Variants in NXPH1 observed in about 807,000 individuals in gnomAD.
The protein encoded by NXPH1 is neurexophilin 1, also known as neurexophilin-1.
Under a neutral mutation model 23.7 loss-of-function variants are expected in NXPH1, and 5 were observed. The observed-to-expected ratio is 0.21, with a 90% CI of 0.11 to 0.44. The LOEUF is 0.44. Among genes scored for constraint, NXPH1 ranks in the 20% least tolerant of loss-of-function variants. NXPH1 has a pLI of 0.99. For synonymous variants in NXPH1, 144 were observed against 122.2 expected, an observed-to-expected ratio of 1.18 and a Z score of -1.18; for missense variants, 324 against 321.6, an observed-to-expected ratio of 1.01 and a Z score of -0.06.
chr7:8,535,085 T>G lies in NXPH1; in HGVS notation c.54+99318T>G, dbSNP rs187933077. 1.0e-3 allele frequency among the ~76,000 whole-genome samples: 153 copies of G among 152,216 alleles called. 1 individual carries two copies. The highest frequency in any genetic ancestry group is 3.5e-3 in the African/African-American group (147 of 41,578). On this transcript the variant is annotated intron_variant, in intron 2 of 2. Coordinates refer to ENST00000405863, the MANE Select transcript of NXPH1 (RefSeq NM_152745.3). ...TCCAAAAAATGTCTAGGTGATTGACTACTATCTTTCCTTGTATCCAGATGC... is the reference window on the plus strand; with the variant it reads ...TCCAAAAAATGTCTAGGTGATTGACGACTATCTTTCCTTGTATCCAGATGC...
intron 2 of NXPH1, among the ~76,000 whole-genome samples, chr7:8,592,067 T>C (rs1397016844): frequency 6.6e-6 from 1 of 151,904 alleles, no homozygotes; most frequent in African/African-American, 2.4e-5. Flanking sequence ...AGGCGAAAGA[T>C]TGTCAAAAGT....
chr7:8,587,061 A>C (rs1818993856), intron 2 of NXPH1, among the ~76,000 whole-genome samples: 1 of 152,198 alleles, frequency 6.6e-6, no homozygotes, highest in Non-Finnish European at 1.5e-5. Context: ...TATTATTTTC[A>C]TGTAAAAATA....
intron 2 of NXPH1, among the ~76,000 whole-genome samples, chr7:8,523,942 G>A (rs1026336157): frequency 6.6e-6 from 1 of 152,082 alleles, no homozygotes; most frequent in Non-Finnish European, 1.5e-5. Flanking sequence ...CGTGTGTCAA[G>A]GATACAGGAA....
intron 2 of NXPH1, among the ~76,000 whole-genome samples, chr7:8,583,175 T>C (rs962625680): frequency 3.9e-5 from 6 of 152,218 alleles, no homozygotes; most frequent in Non-Finnish European, 8.8e-5. Flanking sequence ...AGGACTCCCA[T>C]CCTGACTTCT....
chr7:8,649,896 T>A (rs1178385132), intron 2 of NXPH1, among the ~76,000 whole-genome samples: 1 of 152,196 alleles, frequency 6.6e-6, no homozygotes, highest in Admixed American at 6.5e-5. Context: ...GCTATTTTAC[T>A]CTTCATTGCT....
At chr7:8,538,960 T>C (rs1018797128) in intron 2 of NXPH1, among the ~76,000 whole-genome samples, 3 of 151,914 alleles carry the variant, frequency 2.0e-5, no homozygotes, top group Non-Finnish European at 2.9e-5. Flanking sequence ...TAGTGGTTGG[T>C]AGATGTGTGG....
chr7:8,721,860 G>C (rs1448280120), intron 2 of NXPH1, among the ~76,000 whole-genome samples: 1 of 152,218 alleles, frequency 6.6e-6, no homozygotes, highest in African/African-American at 2.4e-5. Context: ...CATTATGTGA[G>C]ACTATGAAAT....
chr7:8,633,517 G>A (rs113066666), intron 2 of NXPH1, among the ~76,000 whole-genome samples: 10 of 152,272 alleles, frequency 6.6e-5, no homozygotes, highest in Non-Finnish European at 1.2e-4. Context: ...ACAGTGTTGC[G>A]TGACAACCGA....
chr7:8,572,392 C>A (rs2128622314), intron 2 of NXPH1, among the ~76,000 whole-genome samples: 1 of 151,984 alleles, frequency 6.6e-6, no homozygotes, highest in African/African-American at 2.4e-5. Context: ...ACAGAACAAG[C>A]TTGCTGGAAA....
At chr7:8,550,600 C>T (rs1818263568) in intron 2 of NXPH1, among the ~76,000 whole-genome samples, 1 of 151,426 alleles carries the variant, frequency 6.6e-6, no homozygotes, top group Non-Finnish European at 1.5e-5. Flanking sequence ...CTTGAATAGA[C>T]ATATTATATG....
At chr7:8,554,281 C>T (rs1156704114) in intron 2 of NXPH1, among the ~76,000 whole-genome samples, 1 of 151,620 alleles carries the variant, frequency 6.6e-6, no homozygotes, top group African/African-American at 2.4e-5. Context: ...TAGCCAGGGG[C>T]AATCCTTCAG....
intron 2 of NXPH1, among the ~76,000 whole-genome samples, chr7:8,670,717 TATAAAAGCAATTTGAAAAAGTTTTTG>T (rs2115169369): frequency 6.6e-6 from 1 of 152,370 alleles, no homozygotes; most frequent in African/African-American, 2.4e-5. Context: ...TGTATCACAA[TATAAAAGCAATTTGAAAAAGTTTTTG>T]ATACTTCAGT....
intron 2 of NXPH1, among the ~76,000 whole-genome samples, chr7:8,539,111 G>T (rs1818071955): frequency 6.6e-6 from 1 of 151,784 alleles, no homozygotes; most frequent in African/African-American, 2.4e-5. Context: ...GACTACCTAT[G>T]TAACCATAAA....
intron 2 of NXPH1, among the ~76,000 whole-genome samples, chr7:8,750,235 A>T (rs1281574810): frequency 6.6e-6 from 1 of 152,226 alleles, no homozygotes; most frequent in Non-Finnish European, 1.5e-5. Context: ...TTGCAAGACT[A>T]ACTTTTCTAA....
At chr7:8,533,806 A>G (rs1817987122) in intron 2 of NXPH1, among the ~76,000 whole-genome samples, 1 of 152,108 alleles carries the variant, frequency 6.6e-6, no homozygotes, top group African/African-American at 2.4e-5. Flanking sequence ...TCTCCATAGG[A>G]CACCCAGAGA....
intron 2 of NXPH1, among the ~76,000 whole-genome samples, chr7:8,474,594 C>T (rs1381916326): frequency 6.6e-6 from 1 of 152,146 alleles, no homozygotes; most frequent in East Asian, 1.9e-4. Flanking sequence ...GCTCTGCAAA[C>T]TACTTCGAAA....
chr7:8,615,934 G>C (rs1221167148), intron 2 of NXPH1, among the ~76,000 whole-genome samples: 1 of 152,060 alleles, frequency 6.6e-6, no homozygotes, highest in Non-Finnish European at 1.5e-5. Flanking sequence ...AGGTGAAGCA[G>C]TAGACTTCTA....
At chr7:8,630,218 A>T (rs117671425) in intron 2 of NXPH1, among the ~76,000 whole-genome samples, 2,786 of 152,228 alleles carry the variant, frequency 0.018, 28 homozygotes, top group Non-Finnish European at 0.029. Flanking sequence ...CTTCACCTGG[A>T]AAGTTTTTCC....
chr7:8,730,251 G>C (rs953996169), intron 2 of NXPH1, among the ~76,000 whole-genome samples: 8 of 149,722 alleles, frequency 5.3e-5, no homozygotes, highest in Non-Finnish European at 1.0e-4. Flanking sequence ...CGTGAGATGG[G>C]TTTCCTGAAT....
Sources: gnomAD v4.1 joint callset for allele counts (sites outside exome capture counted in the v4.1 genomes callset) on GRCh38, gnomAD v4.1.1 for gene constraint, MANE v1.5 for transcripts, NCBI Gene and HGNC (gene_info 2026-07-23, HGNC 2026-07-21) for gene names.